Variants in CNTNAP5 observed in about 807,000 individuals in gnomAD.
CNTNAP5 encodes the protein contactin associated protein family member 5, also known as contactin-associated protein-like 5.
Under a neutral mutation model 150.2 loss-of-function variants are expected in CNTNAP5, and 72 were observed. That is an observed-to-expected ratio of 0.48 (90% CI 0.40 to 0.58). CNTNAP5 has a LOEUF of 0.58. Among genes scored for constraint, CNTNAP5 ranks in the 20% least tolerant of loss-of-function variants. The pLI, the probability that CNTNAP5 is intolerant of heterozygous loss-of-function variation, is 0.00. For missense variants in CNTNAP5, 1,636 were observed against 1,626.2 expected (o/e 1.01, Z -0.10); for synonymous variants, 672 against 619.8 (o/e 1.08, Z -1.25).
Position 124,747,276 on chromosome 2 carries a change from C to G in CNTNAP5, c.2125C>G (p.Pro709Ala). 6.2e-7 allele frequency: 1 copy of G among 1,613,670 alleles called. No individual in the cohort carries two copies. Among genetic ancestry groups the G allele is most frequent in the Non-Finnish European group, 8.5e-7 (1 of 1,179,734 alleles). Residue 709 changes from proline to alanine, a missense_variant, in exon 14 of 24, where the codon CCT becomes GCT. Transcript: ENST00000682447. ...GATTGGGCGGTCCAATGAAAGGCAC[C>G]CTTACTGGGGAGGTTCCCCTCCTGG... is the stretch of plus-strand genomic sequence containing the variant. ...WWIGRSNERH[P>A]YWGGSPPGVQ... is the part of the protein sequence containing the mutation.
In CNTNAP5 at chr2:124,292,696, G is replaced by A. The variant is rs1049173811; in HGVS notation, c.381+50303G>A. ...TTATAAAAGGAGGAGAAAACACTTC[G>A]CATATAAAATATTTGACTGAAATAT... On this transcript the variant is annotated intron_variant, in intron 3 of 23. Transcript: ENST00000682447. Among the ~76,000 whole-genome samples the A allele has an allele frequency of 5.3e-5, 8 of 151,846 alleles. No homozygotes were observed. The South Asian group carries it at 6.2e-4, about 12-fold the overall frequency.
At chr2:124,482,749 G>A (rs530375329) in intron 7 of CNTNAP5, among the ~76,000 whole-genome samples, 4 of 152,276 alleles carry the variant, frequency 2.6e-5, no homozygotes, top group African/African-American at 4.8e-5. Flanking sequence ...GGCTCCCAGC[G>A]GCTCCTGTCT....
At chr2:124,718,986 G>A (rs1242163196) in intron 13 of CNTNAP5, among the ~76,000 whole-genome samples, 3 of 151,642 alleles carry the variant, frequency 2.0e-5, no homozygotes, top group Non-Finnish European at 2.9e-5. Flanking sequence ...GTGCCTAAGT[G>A]AATGCCATAG....
chr2:124,029,705 G>A lies in CNTNAP5; in HGVS notation c.82+3973G>A, dbSNP rs182163785. Among the ~76,000 whole-genome samples, 19 of 151,426 alleles carry A rather than the reference G, an allele frequency of 1.3e-4. No individual in the cohort carries two copies. The East Asian group carries it at 3.1e-3, about 25-fold the overall frequency. Reference sequence around the variant, plus strand: ...TTCATTGCTTTCTTTACTGGATCTCGGTTTCCCTTTACTGAATCACTTTAT... The same window carrying A: ...TTCATTGCTTTCTTTACTGGATCTCAGTTTCCCTTTACTGAATCACTTTAT... On this transcript the variant is annotated intron_variant, in intron 1 of 23. Transcript: ENST00000682447.
At chr2:124,586,766 G>A (rs548468976) in intron 11 of CNTNAP5, among the ~76,000 whole-genome samples, 3 of 152,236 alleles carry the variant, frequency 2.0e-5, no homozygotes, top group African/African-American at 7.2e-5. Context: ...ATCCTTCCAG[G>A]GCAACCTCCA....
At chr2:124,682,900 A>G (rs1473449327) in intron 13 of CNTNAP5, among the ~76,000 whole-genome samples, 1 of 152,196 alleles carries the variant, frequency 6.6e-6, no homozygotes, top group Non-Finnish European at 1.5e-5. Flanking sequence ...CTAGGAACTT[A>G]ACCAAAAAAA....
At chr2:124,215,232 A>G (rs1248058660) in intron 1 of CNTNAP5, among the ~76,000 whole-genome samples, 1 of 152,212 alleles carries the variant, frequency 6.6e-6, no homozygotes, top group East Asian at 1.9e-4. Context: ...TTAAGCTCCA[A>G]ATCCCCACAT....
chr2:124,618,891 C>G (rs1677545686), intron 12 of CNTNAP5, among the ~76,000 whole-genome samples: 1 of 152,036 alleles, frequency 6.6e-6, no homozygotes, highest in African/African-American at 2.4e-5. Flanking sequence ...TTAACCTGAA[C>G]AAGAAAAGAC....
intron 11 of CNTNAP5, among the ~76,000 whole-genome samples, chr2:124,574,419 G>A (rs1035003663): frequency 6.6e-6 from 1 of 152,116 alleles, no homozygotes; most frequent in Non-Finnish European, 1.5e-5. Context: ...TCTTATCTTA[G>A]CCATTTTATA....
At chr2:124,625,166 C>A (rs1180542443) in intron 12 of CNTNAP5, among the ~76,000 whole-genome samples, 1 of 152,118 alleles carries the variant, frequency 6.6e-6, no homozygotes, top group Non-Finnish European at 1.5e-5. Flanking sequence ...TAACTCAATG[C>A]CATGGTGGAA....
intron 1 of CNTNAP5, among the ~76,000 whole-genome samples, chr2:124,044,713 A>T (rs1046965639): frequency 1.1e-4 from 17 of 152,060 alleles, no homozygotes; most frequent in African/African-American, 4.1e-4. Context: ...TAAATATTTC[A>T]TAAAGCCATA....
chr2:124,027,172 C>T (rs1228856121), intron 1 of CNTNAP5, among the ~76,000 whole-genome samples: 2 of 152,142 alleles, frequency 1.3e-5, no homozygotes, highest in Non-Finnish European at 2.9e-5. Flanking sequence ...TTTTCTTTTA[C>T]TTCTTCATCT....
intron 6 of CNTNAP5, among the ~76,000 whole-genome samples, chr2:124,473,993 C>T (rs1693580687): frequency 6.6e-6 from 1 of 151,950 alleles, no homozygotes; most frequent in Non-Finnish European, 1.5e-5. Flanking sequence ...CTTTTAGTGA[C>T]AAAAACCGCA....
intron 3 of CNTNAP5, among the ~76,000 whole-genome samples, chr2:124,364,627 T>G (rs1481793477): frequency 2.0e-5 from 3 of 152,128 alleles, no homozygotes; most frequent in Non-Finnish European, 4.4e-5. Flanking sequence ...AGTAAATAAA[T>G]AAATAGATGA....
chr2:124,461,863 AAAAAAAAAAG>A (rs1254180892), intron 6 of CNTNAP5, among the ~76,000 whole-genome samples: 1 of 17,088 alleles, frequency 5.9e-5, no homozygotes, highest in East Asian at 2.6e-3. Flanking sequence ...TCCACCTCAA[AAAAAAAAAAG>A]AAAAAAAAAG....
At chr2:124,906,013 T>A (rs1482315715) in intron 22 of CNTNAP5, among the ~76,000 whole-genome samples, 1 of 152,186 alleles carries the variant, frequency 6.6e-6, no homozygotes, top group Admixed American at 6.5e-5. Flanking sequence ...GCCTATTGTT[T>A]GCTATCTCTA....
intron 11 of CNTNAP5, among the ~76,000 whole-genome samples, chr2:124,580,066 C>T (rs1696375376): frequency 6.6e-6 from 1 of 152,234 alleles, no homozygotes; most frequent in Non-Finnish European, 1.5e-5. Context: ...TCTACTCTAA[C>T]TTTCACAGAA....
At chr2:124,487,511 T>C (rs1269223582) in intron 7 of CNTNAP5, among the ~76,000 whole-genome samples, 2 of 152,106 alleles carry the variant, frequency 1.3e-5, no homozygotes, top group Admixed American at 6.5e-5. Context: ...AGTATGTTTG[T>C]GCAGCTGAAA....
chr2:124,478,171 A>G (rs566637556), intron 7 of CNTNAP5, among the ~76,000 whole-genome samples: 6 of 152,324 alleles, frequency 3.9e-5, no homozygotes, highest in East Asian at 1.9e-4. Flanking sequence ...CAGTTTCTGA[A>G]TATCAGTAGC....
Sources: allele counts gnomAD v4.1 joint callset (sites outside exome capture counted in the v4.1 genomes callset), GRCh38; gene constraint gnomAD v4.1.1; transcripts MANE v1.5; gene names NCBI Gene and HGNC (gene_info 2026-07-23, HGNC 2026-07-21).